CSMD1: variants seen among roughly 807,000 people sequenced by gnomAD.
The protein encoded by CSMD1 is CUB and sushi domain-containing protein 1.
A neutral mutation model predicts 417.5 loss-of-function variants in CSMD1; 213 were observed. That is an observed-to-expected ratio of 0.51 (90% confidence interval 0.46 to 0.57). The LOEUF (loss-of-function observed/expected upper bound fraction) is 0.57. Among genes scored for constraint, CSMD1 ranks in the 20% least tolerant of loss-of-function variants. The pLI is 0.00. For synonymous variants in CSMD1, 2,862 were observed against 1,736.8 expected, an observed-to-expected ratio of 1.65 and a Z score of -16.11; for missense variants, 6,923 against 4,529.7, an observed-to-expected ratio of 1.53 and a Z score of -15.17.
At chr8:4,901,561 A>G (rs1222681736) in intron 1 of CSMD1, among the ~76,000 whole-genome samples, 4 of 152,242 alleles carry the variant, frequency 2.6e-5, no homozygotes, top group Non-Finnish European at 5.9e-5. Context: ...AAAAAGTGAA[A>G]GAAAATGTCA....
chr8:3,396,454 A>T, intron 16 of CSMD1, 73 bp from the exon 17 acceptor site: 2 of 1,094,188 alleles, frequency 1.8e-6, no homozygotes. Context: ...TGACATCCTC[A>T]TTCCTTAATC....
chr8:3,456,561 T>C (rs1205010329), intron 12 of CSMD1, among the ~76,000 whole-genome samples: 2 of 152,198 alleles, frequency 1.3e-5, no homozygotes, highest in Non-Finnish European at 2.9e-5. Context: ...CTTAGCATCA[T>C]TGCATTACTT....
chr8:4,089,458 C>G (rs1053966729), intron 3 of CSMD1, among the ~76,000 whole-genome samples: 1 of 152,072 alleles, frequency 6.6e-6, no homozygotes, highest in Non-Finnish European at 1.5e-5. Context: ...TTGTGTCCTT[C>G]ATAGTTTTCA....
At chr8:4,038,461 G>C (rs781100493) in intron 3 of CSMD1, among the ~76,000 whole-genome samples, 1 of 152,112 alleles carries the variant, frequency 6.6e-6, no homozygotes, top group Non-Finnish European at 1.5e-5. Context: ...TGGTAATTTA[G>C]TGTTCGAGAA....
At chr8:4,477,871 C>G (rs926424623) in intron 2 of CSMD1, among the ~76,000 whole-genome samples, 1 of 152,172 alleles carries the variant, frequency 6.6e-6, no homozygotes, top group Non-Finnish European at 1.5e-5. Flanking sequence ...TTCTGAAAAT[C>G]TCATAATCCT....
intron 3 of CSMD1, among the ~76,000 whole-genome samples, chr8:4,108,127 G>A (rs1382040749): frequency 1.3e-5 from 2 of 151,748 alleles, no homozygotes; most frequent in Admixed American, 6.6e-5. Flanking sequence ...GGAGGAGGAG[G>A]GTAGGGAAGG....
intron 11 of CSMD1, among the ~76,000 whole-genome samples, chr8:3,474,161 C>A (rs1237754579): frequency 6.6e-6 from 1 of 152,116 alleles, no homozygotes; most frequent in Non-Finnish European, 1.5e-5. Context: ...GACTTGCTCC[C>A]AGGTTTTCTC....
rs538206453 is a variant in CSMD1, at chr8:3,949,398, C to T, written c.818+48505G>A. ...GGAAACAACCACTTTACTTCTCAGA[C>T]TATTCTAACTATCACATGGATGAGG... On this transcript the variant is annotated intron_variant, in intron 5 of 69. Coordinates refer to ENST00000635120, the MANE Select transcript of CSMD1 (RefSeq NM_033225.6). Among the ~76,000 whole-genome samples the T allele has an allele frequency of 1.2e-4, 18 of 152,274 alleles. No homozygotes were observed. The South Asian group carries it at 3.7e-3, about 32-fold the overall frequency.
intron 1 of CSMD1, among the ~76,000 whole-genome samples, chr8:4,854,652 G>T (rs1044979911): frequency 4.6e-5 from 7 of 151,994 alleles, no homozygotes; most frequent in Admixed American, 2.0e-4. Flanking sequence ...AAGGGGTGAC[G>T]GACAGCACCT....
chr8:4,361,265 A>G (rs1177352639), intron 3 of CSMD1, among the ~76,000 whole-genome samples: 1 of 152,194 alleles, frequency 6.6e-6, no homozygotes. Flanking sequence ...GTAAAAGAAA[A>G]TATTACTACT....
chr8:3,242,700 G>A (rs112032389), intron 26 of CSMD1, among the ~76,000 whole-genome samples: 3,396 of 151,930 alleles, frequency 0.022, 60 homozygotes, highest in Non-Finnish European at 0.036. Context: ...AGGGCGGAAG[G>A]TTGCCCATAG....
At chr8:3,842,590 G>C (rs753027144) in intron 5 of CSMD1, among the ~76,000 whole-genome samples, 1 of 152,002 alleles carries the variant, frequency 6.6e-6, no homozygotes, top group African/African-American at 2.4e-5. Context: ...TAAATCTCTT[G>C]CCTATATGGA....
At chr8:3,525,954 A>G (rs1221104769) in intron 10 of CSMD1, among the ~76,000 whole-genome samples, 1 of 152,182 alleles carries the variant, frequency 6.6e-6, no homozygotes, top group Non-Finnish European at 1.5e-5. Context: ...AAGCCTTACA[A>G]CAATTCTTCA....
intron 5 of CSMD1, among the ~76,000 whole-genome samples, chr8:3,759,699 G>C (rs984124732): frequency 2.2e-4 from 32 of 148,184 alleles, no homozygotes; most frequent in African/African-American, 7.6e-4. Context: ...TTCGAGACCA[G>C]CCTGAGCAAT....
intron 3 of CSMD1, among the ~76,000 whole-genome samples, chr8:4,194,739 T>G (rs1333568018): frequency 6.6e-6 from 1 of 151,824 alleles, no homozygotes; most frequent in Non-Finnish European, 1.5e-5. Context: ...CAGATTTCAT[T>G]ATTTAAATAA....
intron 1 of CSMD1, among the ~76,000 whole-genome samples, chr8:4,700,797 T>G (rs1390144603): frequency 2.0e-5 from 3 of 152,096 alleles, no homozygotes; most frequent in Non-Finnish European, 2.9e-5. Flanking sequence ...GAAAGGATAT[T>G]TCTGTAGAAC....
At chr8:4,874,388 A>ATTTTTT (rs3038302) in intron 1 of CSMD1, among the ~76,000 whole-genome samples, 1 of 133,520 alleles carries the variant, frequency 7.5e-6, no homozygotes, top group Non-Finnish European at 1.5e-5. Flanking sequence ...ATCCGATTGT[A>ATTTTTT]TTTTTTTTTT....
At chr8:4,992,590 G>C (rs540481082) in intron 1 of CSMD1, among the ~76,000 whole-genome samples, 1 of 152,148 alleles carries the variant, frequency 6.6e-6, no homozygotes, top group African/African-American at 2.4e-5. Context: ...CCCTCACCCC[G>C]CTGCGACACA....
chr8:3,202,340 T>G lies in CSMD1; in HGVS notation c.4985-615A>C, dbSNP rs1037086106. Among the ~76,000 whole-genome samples, 233 of 152,332 alleles carry G rather than the reference T, an allele frequency of 1.5e-3. 1 individual carries two copies. The highest frequency in any genetic ancestry group is 5.3e-3 in the African/African-American group (219 of 41,574). Reference sequence around the variant, plus strand: ...AATTCACATTAATACGTTGCCGTATTCATACACACTGACTTATACACGTGA... The same window carrying G: ...AATTCACATTAATACGTTGCCGTATGCATACACACTGACTTATACACGTGA... On this transcript the variant is annotated intron_variant, in intron 31 of 69. Coordinates refer to ENST00000635120, the MANE Select transcript of CSMD1 (RefSeq NM_033225.6).
Sources: allele counts gnomAD v4.1 joint callset (sites outside exome capture counted in the v4.1 genomes callset), GRCh38; gene constraint gnomAD v4.1.1; transcripts MANE v1.5; gene names NCBI Gene and HGNC (gene_info 2026-07-23, HGNC 2026-07-21).